The following DLGAP4 variants were observed in gnomAD, a reference collection of about 807,000 sequenced individuals.
DLGAP4 encodes DLG associated protein 4.
DLGAP4 carries 18 observed loss-of-function variants against 86.9 expected under a neutral mutation model. The ratio of observed to expected loss-of-function variants is 0.21; its 90% CI spans 0.14 to 0.31. The LOEUF is 0.31. DLGAP4 is among the 10% of genes least tolerant of loss of function. The probability of loss-of-function intolerance (pLI) is 1.00; values close to 1 mark genes in which losing one functional copy is unlikely to be tolerated. For missense variants in DLGAP4, 1,085 were observed against 1,362.6 expected, an observed-to-expected ratio of 0.80 and a Z score of 3.21; for synonymous variants, 548 against 574.3, an observed-to-expected ratio of 0.95 and a Z score of 0.65.
At chr20:36,447,432 T>C (rs117753689) in intron 7 of DLGAP4, among the ~76,000 whole-genome samples, 1,799 of 152,288 alleles carry the variant, frequency 0.012, 15 homozygotes, top group Non-Finnish European at 0.019. Flanking sequence ...GGGTGTTTTG[T>C]TGTTGTTGAG....
chr20:36,330,641 C>T (rs1225030166), intron 1 of DLGAP4, among the ~76,000 whole-genome samples: 7 of 149,164 alleles, frequency 4.7e-5, no homozygotes, highest in African/African-American at 9.9e-5. Flanking sequence ...GGTGTGATCT[C>T]GGCTCACTGC....
chr20:36,476,318 CTTTTTTTTT>C (rs1028980966), intron 7 of DLGAP4, among the ~76,000 whole-genome samples: 23 of 119,636 alleles, frequency 1.9e-4, no homozygotes, highest in African/African-American at 6.3e-4. Flanking sequence ...TGGCAACCAC[CTTTTTTTTT>C]TTTTTTTTTT....
intron 7 of DLGAP4, among the ~76,000 whole-genome samples, chr20:36,453,797 G>A (rs1248429951): frequency 6.6e-6 from 1 of 150,784 alleles, no homozygotes; most frequent in Non-Finnish European, 1.5e-5. Flanking sequence ...GCTGGGCATG[G>A]TAGCGGGCAC....
intron 8 of DLGAP4, 142 bp from the exon 9 acceptor site, chr20:36,499,446 C>T (rs2036036530): frequency 7.4e-7 from 1 of 1,348,620 alleles, no homozygotes; most frequent in Non-Finnish European, 1.0e-6. Context: ...GGCCCACGTG[C>T]AGTGTCCGCA....
chr20:36,382,479 G>A (rs1241302296), intron 2 of DLGAP4, among the ~76,000 whole-genome samples: 1 of 150,082 alleles, frequency 6.7e-6, no homozygotes, highest in Non-Finnish European at 1.5e-5. Flanking sequence ...CTCCTGCCTT[G>A]GCTTAGTTTT....
At chr20:36,326,562 A>C (rs2065217712) in intron 1 of DLGAP4, among the ~76,000 whole-genome samples, 1 of 152,098 alleles carries the variant, frequency 6.6e-6, no homozygotes, top group South Asian at 2.1e-4. Flanking sequence ...ACAACACTAC[A>C]TTGTTATTGT....
rs566188646 is a variant in DLGAP4, at chr20:36,450,949, C to A, written c.1648+4012C>A. 4.6e-5 allele frequency among the ~76,000 whole-genome samples: 7 copies of A among 152,300 alleles called. No homozygotes were observed. The East Asian group carries it at 1.2e-3, about 25-fold the overall frequency. Reference sequence around the variant, plus strand: ...TCTTCTAGTCTACTGTTCTCCACAGCTCTTGGTTCTGCTCTCTGAAAGCCC... The same window carrying A: ...TCTTCTAGTCTACTGTTCTCCACAGATCTTGGTTCTGCTCTCTGAAAGCCC... On this transcript the variant is annotated intron_variant, in intron 7 of 12. Coordinates refer to ENST00000339266, the MANE Select transcript of DLGAP4 (RefSeq NM_001365621.2).
chr20:36,433,757 T>C (rs2033194557), intron 3 of DLGAP4, among the ~76,000 whole-genome samples: 1 of 151,972 alleles, frequency 6.6e-6, no homozygotes, highest in South Asian at 2.1e-4. Context: ...GTTCAAGCAA[T>C]TCTCCTGCCT....
intron 2 of DLGAP4, among the ~76,000 whole-genome samples, chr20:36,396,578 TACACACACCAGAC>T (rs2031997500): frequency 6.1e-5 from 1 of 16,472 alleles, no homozygotes; most frequent in Admixed American, 5.7e-4. Context: ...ACACACCACA[TACACACACCAGAC>T]ACACACACGC....
At chr20:36,485,176 A>T (rs1425267392) in intron 7 of DLGAP4, among the ~76,000 whole-genome samples, 1 of 152,102 alleles carries the variant, frequency 6.6e-6, no homozygotes, top group Non-Finnish European at 1.5e-5. Context: ...GCTTGAGCCC[A>T]GGAGTTTGAG....
intron 2 of DLGAP4, among the ~76,000 whole-genome samples, chr20:36,374,859 A>G (rs1463459145): frequency 6.6e-6 from 1 of 152,208 alleles, no homozygotes; most frequent in Non-Finnish European, 1.5e-5. Flanking sequence ...CTGTCCCCCA[A>G]ATGACCTGCT....
rs998987670 is a variant in DLGAP4, at chr20:36,431,443, T to C, written c.-72-203T>C. ...AGAAGAATGGAAGATGTTGTGCTTG[T>C]CTGATAGTCGGTAGCTTGAGTTGTA... is the stretch of plus-strand genomic sequence containing the variant. On this transcript the variant is annotated intron_variant, in intron 2 of 12. Transcript: ENST00000339266. The surrounding 1 kb of genome is among the most constrained non-coding windows in gnomAD (Gnocchi z 5.1). Among the ~76,000 whole-genome samples, 16 of 152,242 alleles carry C rather than the reference T, an allele frequency of 1.1e-4. No homozygotes were observed. Among genetic ancestry groups the C allele is most frequent in the Admixed American group, 7.8e-4 (12 of 15,292 alleles).
chr20:36,377,621 C>G (rs2147436800), intron 2 of DLGAP4, among the ~76,000 whole-genome samples: 1 of 152,274 alleles, frequency 6.6e-6, no homozygotes, highest in Non-Finnish European at 1.5e-5. Flanking sequence ...CTTCGGGACC[C>G]ACTTTCTGCC....
chr20:36,479,932 C>G (rs920278972), intron 7 of DLGAP4, among the ~76,000 whole-genome samples: 12 of 152,126 alleles, frequency 7.9e-5, no homozygotes, highest in African/African-American at 2.7e-4. Context: ...TGGGCAGCAG[C>G]TCCGTGGGCC....
At chr20:36,469,254 C>T (rs2034551848) in intron 7 of DLGAP4, among the ~76,000 whole-genome samples, 1 of 152,028 alleles carries the variant, frequency 6.6e-6, no homozygotes, top group African/African-American at 2.4e-5. Context: ...TTCTGACCTC[C>T]CAGAGTCTGC....
intron 7 of DLGAP4, among the ~76,000 whole-genome samples, chr20:36,480,138 T>G (rs1291684522): frequency 6.6e-6 from 1 of 152,160 alleles, no homozygotes; most frequent in Admixed American, 6.5e-5. Context: ...GAAGGCTGAT[T>G]CCAGGGATTC....
chr20:36,414,572 G>A (rs1289454823), intron 2 of DLGAP4, among the ~76,000 whole-genome samples: 3 of 152,362 alleles, frequency 2.0e-5, no homozygotes, highest in South Asian at 4.1e-4. Flanking sequence ...CCCTCCACCT[G>A]CTGTGTGACC....
chr20:36,341,151 C>G (rs2065376148), intron 1 of DLGAP4, among the ~76,000 whole-genome samples: 1 of 152,216 alleles, frequency 6.6e-6, no homozygotes, highest in African/African-American at 2.4e-5. Flanking sequence ...GTCCTTAAAC[C>G]TTTACCAGGC....
Position 36,426,522 on chromosome 20 carries a change from CA to C in DLGAP4, c.-72-5113del, listed in dbSNP as rs112450501. Among the ~76,000 whole-genome samples the C allele has an allele frequency of 1.6e-3, 229 of 141,258 alleles. 1 individual carries two copies. Among genetic ancestry groups the C allele is most frequent in the African/African-American group, 3.0e-3 (117 of 38,704 alleles). The allele number at this position is 141,258 out of a possible 152,430, so 92.7% of individuals were successfully genotyped here. A position where few individuals can be genotyped will look rare whatever the true frequency, so the allele number is the denominator to read the frequency against. On this transcript the variant is annotated intron_variant, in intron 2 of 12. Coordinates refer to ENST00000339266, the MANE Select transcript of DLGAP4 (RefSeq NM_001365621.2). ...AGAGCGAGACTCTCAGACTCTGTCT[CA>C]AAAAAAAAAATGAATAAAAGAAATT... is the stretch of plus-strand genomic sequence containing the variant.
Sources: gnomAD v4.1 joint callset for allele counts (sites outside exome capture counted in the v4.1 genomes callset) on GRCh38, gnomAD v4.1.1 for gene constraint, Gnocchi (gnomAD v3.1) non-coding constraint, MANE v1.5 for transcripts, NCBI Gene and HGNC (gene_info 2026-07-23, HGNC 2026-07-21) for gene names.